GNA14: variants seen among roughly 807,000 people sequenced by gnomAD.
GNA14 encodes the protein guanine nucleotide-binding protein subunit alpha-14.
In GNA14, 50 loss-of-function variants were observed where a neutral mutation model predicts 42.0. The ratio of observed to expected loss-of-function variants is 1.19; its 90% CI spans 0.95 to 1.51. GNA14 has a LOEUF of 1.51. GNA14 is among the 40% of genes most tolerant of loss of function. The pLI is 0.00. For missense variants in GNA14, 473 were observed against 446.2 expected (o/e 1.06, Z -0.54); for synonymous variants, 173 against 163.1 (o/e 1.06, Z -0.46).
rs772778870 is a variant in GNA14 at position 77,464,832 on chromosome 9, G to A, written c.310-30310C>T. On this transcript the variant is annotated intron_variant, in intron 2 of 6. Transcript: ENST00000341700. ...TAATCAAGTTAAGATGAGGTCACTTGGGTAGGCCTTATTCTAATACAAGCA... is the reference window on the plus strand; with the variant it reads ...TAATCAAGTTAAGATGAGGTCACTTAGGTAGGCCTTATTCTAATACAAGCA... Among the ~76,000 whole-genome samples, 45 of 152,306 alleles carry A rather than the reference G, an allele frequency of 3.0e-4. 1 individual carries two copies. The highest frequency in any genetic ancestry group is 2.1e-4 in the South Asian group (1 of 4,822).
At chr9:77,452,265 C>G (rs1462171823) in intron 2 of GNA14, among the ~76,000 whole-genome samples, 4 of 152,118 alleles carry the variant, frequency 2.6e-5, no homozygotes, top group African/African-American at 7.2e-5. Context: ...CTTTAAGTAG[C>G]AACAAAGAAT....
intron 2 of GNA14, chr9:77,526,466 G>A (rs1193890269): frequency 6.6e-6 from 1 of 151,800 alleles, no homozygotes; most frequent in African/African-American, 2.4e-5. Context: ...CCGGATTAGG[G>A]TCGACCCTAA....
At chr9:77,503,888 G>T (rs1289120793) in intron 2 of GNA14, among the ~76,000 whole-genome samples, 1 of 152,038 alleles carries the variant, frequency 6.6e-6, no homozygotes, top group African/African-American at 2.4e-5. Context: ...CACCATGTTG[G>T]CCAGGCTGGT....
intron 1 of GNA14, among the ~76,000 whole-genome samples, chr9:77,569,558 G>A (rs967333656): frequency 2.0e-5 from 3 of 152,090 alleles, no homozygotes; most frequent in African/African-American, 7.2e-5. Flanking sequence ...CAACTCCACA[G>A]GAGACCACTC....
rs144028558 is a variant in GNA14 at position 77,632,102 on chromosome 9, G to GCC, written c.124+15566_124+15567dup. On this transcript the variant is annotated intron_variant, in intron 1 of 6. Coordinates refer to ENST00000341700, the MANE Select transcript of GNA14 (RefSeq NM_004297.4). ...CCTATACCCTTGGCAGCCCAGGAAGGCCCCCACTGCCCTTGCAGGCTTGGA... is the reference window on the plus strand; with the variant it reads ...CCTATACCCTTGGCAGCCCAGGAAGGCCCCCCCACTGCCCTTGCAGGCTTGGA... 2.8e-4 allele frequency among the ~76,000 whole-genome samples: 43 copies of GCC among 152,270 alleles called. No homozygotes were observed. In the East Asian group the frequency reaches 8.3e-3, roughly 29 times the overall value.
intron 2 of GNA14, among the ~76,000 whole-genome samples, chr9:77,481,592 C>A (rs1259842267): frequency 6.6e-6 from 1 of 152,068 alleles, no homozygotes. Flanking sequence ...GAGTTCAATT[C>A]CTGGGTATCC....
Position 77,423,950 on chromosome 9 carries a change from TGTTATAGGG to T in GNA14, c.*20_*28del. 6.7e-7 allele frequency: 1 copy of T among 1,487,476 alleles called. No homozygotes were observed. The highest frequency in any genetic ancestry group is 1.4e-5 in the South Asian group (1 of 73,644). 92.1% of individuals were successfully genotyped at this position (1,487,476 alleles called of 1,614,324 possible). A position where few individuals can be genotyped will look rare whatever the true frequency, so the allele number is the denominator to read the frequency against. On this transcript the variant is annotated 3_prime_UTR_variant, in exon 7 of 7. Coordinates refer to ENST00000341700, the MANE Select transcript of GNA14 (RefSeq NM_004297.4). ...CAAGGAGTTTGCAAATCACATCTTC[TGTTATAGGG>T]GAGGAGTGGGCAGCAGCTTTTAGAC...
rs532754192 is a variant in GNA14, at chr9:77,564,601, G to C, written c.125-35348C>G. On this transcript the variant is annotated intron_variant, in intron 1 of 6. Coordinates refer to ENST00000341700, the MANE Select transcript of GNA14 (RefSeq NM_004297.4). ...CCCAGTCCTCCCTTTGGGAGGCGGA[G>C]GCGGGCAGATCACTTGACGTCAGGA... is the stretch of plus-strand genomic sequence containing the variant. Among the ~76,000 whole-genome samples the C allele has an allele frequency of 4.6e-5, 7 of 152,068 alleles. No homozygotes were observed. In the South Asian group the frequency reaches 8.3e-4, roughly 18 times the overall value.
At chr9:77,512,777 C>T (rs1236298673) in intron 2 of GNA14, among the ~76,000 whole-genome samples, 5 of 152,114 alleles carry the variant, frequency 3.3e-5, no homozygotes, top group African/African-American at 7.2e-5. Context: ...AACAAACCCC[C>T]GCTAAAAGGC....
chr9:77,575,344 T>C (rs1417226711), intron 1 of GNA14, among the ~76,000 whole-genome samples: 1 of 152,120 alleles, frequency 6.6e-6, no homozygotes, highest in Non-Finnish European at 1.5e-5. Context: ...ATCGCGCCAC[T>C]GCACTCCAGC....
chr9:77,645,828 C>T (rs1033153115), intron 1 of GNA14, among the ~76,000 whole-genome samples: 7 of 152,186 alleles, frequency 4.6e-5, no homozygotes, highest in Non-Finnish European at 8.8e-5. Flanking sequence ...GTACTTCATA[C>T]ATTGACACAA....
chr9:77,479,542 T>G (rs1366158225), intron 2 of GNA14, among the ~76,000 whole-genome samples: 2 of 152,226 alleles, frequency 1.3e-5, no homozygotes, highest in East Asian at 1.9e-4. Flanking sequence ...TAAAGTAGTT[T>G]TATCCAATTC....
At chr9:77,473,302 C>G (rs754021982) in intron 2 of GNA14, among the ~76,000 whole-genome samples, 17 of 151,988 alleles carry the variant, frequency 1.1e-4, no homozygotes, top group Non-Finnish European at 1.9e-4. Flanking sequence ...ACAAAAAATA[C>G]AAAAATTAGC....
intron 1 of GNA14, among the ~76,000 whole-genome samples, chr9:77,533,334 C>G (rs920306616): frequency 5.9e-5 from 9 of 152,168 alleles, no homozygotes; most frequent in Non-Finnish European, 1.3e-4. Flanking sequence ...CGTGTGCCAC[C>G]ACACCTGGCT....
chr9:77,607,013 G>A (rs534300113), intron 1 of GNA14, among the ~76,000 whole-genome samples: 1 of 152,254 alleles, frequency 6.6e-6, no homozygotes, highest in African/African-American at 2.4e-5. Flanking sequence ...GAATATGGTG[G>A]CACTCTGATC....
chr9:77,470,807 G>A (rs1325301604), intron 2 of GNA14, among the ~76,000 whole-genome samples: 1 of 152,084 alleles, frequency 6.6e-6, no homozygotes, highest in Non-Finnish European at 1.5e-5. Context: ...AAAGAGAAGG[G>A]GAAGCAAGCA....
At chr9:77,482,221 A>G (rs1836567406) in intron 2 of GNA14, among the ~76,000 whole-genome samples, 2 of 151,814 alleles carry the variant, frequency 1.3e-5, no homozygotes, top group South Asian at 4.2e-4. Flanking sequence ...TGCTTCCTTC[A>G]GGAGCTCTTT....
rs190117340 is a variant in GNA14, at chr9:77,621,213, T to G, written c.124+26457A>C. Among the ~76,000 whole-genome samples the G allele has an allele frequency of 2.1e-3, 318 of 152,256 alleles. 1 individual carries two copies. The highest frequency in any genetic ancestry group is 3.2e-3 in the Non-Finnish European group (216 of 68,024). On this transcript the variant is annotated intron_variant, in intron 1 of 6. Coordinates refer to ENST00000341700, the MANE Select transcript of GNA14 (RefSeq NM_004297.4). Reference sequence around the variant, plus strand: ...CCTCCCAACGTGCTGTGATTACAGGTGCGAGTCACTGCACCCAGCAAAGAT... The same window carrying G: ...CCTCCCAACGTGCTGTGATTACAGGGGCGAGTCACTGCACCCAGCAAAGAT...
chr9:77,564,442 A>C (rs1822935594), intron 1 of GNA14, among the ~76,000 whole-genome samples: 1 of 152,190 alleles, frequency 6.6e-6, no homozygotes, highest in South Asian at 2.1e-4. Flanking sequence ...TGATACCCAG[A>C]GACTACCAGG....
Sources: allele counts gnomAD v4.1 joint callset (sites outside exome capture counted in the v4.1 genomes callset), GRCh38; gene constraint gnomAD v4.1.1; transcripts MANE v1.5; gene names NCBI Gene and HGNC (gene_info 2026-07-23, HGNC 2026-07-21).